GALNT17: variants seen among roughly 807,000 people sequenced by gnomAD.
The protein encoded by GALNT17 is polypeptide N-acetylgalactosaminyltransferase 17.
GALNT17 carries 29 observed loss-of-function variants against 63.7 expected under a neutral mutation model. The observed-to-expected ratio is 0.46, with a 90% confidence interval of 0.34 to 0.62. The LOEUF (loss-of-function observed/expected upper bound fraction) is 0.62, where lower values mean the gene tolerates loss of function less well. Ranked by LOEUF, GALNT17 falls within the 20% of genes least tolerant of loss-of-function variation. The pLI, the probability that GALNT17 is intolerant of heterozygous loss-of-function variation, is 0.01. For missense variants in GALNT17, 603 were observed against 799.6 expected (o/e 0.75, Z 2.97); for synonymous variants, 305 against 318.3 (o/e 0.96, Z 0.45).
chr7:71,457,988 C>A (rs1393533416), intron 5 of GALNT17, among the ~76,000 whole-genome samples: 1 of 152,106 alleles, frequency 6.6e-6, no homozygotes, highest in Non-Finnish European at 1.5e-5. Flanking sequence ...ACTGCCCACC[C>A]TTCCTTTCCT....
At chr7:71,320,423 AT>A (rs1208348491) in intron 1 of GALNT17, among the ~76,000 whole-genome samples, 8 of 80,720 alleles carry the variant, frequency 9.9e-5, no homozygotes, top group Non-Finnish European at 1.4e-4. Flanking sequence ...AAAAAAAAAA[AT>A]TTTTTTTTTA....
chr7:71,204,570 C>CT (rs200937071), intron 1 of GALNT17, among the ~76,000 whole-genome samples: 33,795 of 140,692 alleles, frequency 0.24, 4,334 homozygotes, highest in East Asian at 0.54. Flanking sequence ...TTTTCTTTTT[C>CT]TTTTTTTTTT....
At chr7:71,233,916 TC>T (rs1402644628) in intron 1 of GALNT17, among the ~76,000 whole-genome samples, 1 of 152,118 alleles carries the variant, frequency 6.6e-6, no homozygotes, top group East Asian at 1.9e-4. Context: ...AGCAGGCACG[TC>T]TCACATGGCC....
At chr7:71,343,569 T>C (rs1792041785) in intron 2 of GALNT17, among the ~76,000 whole-genome samples, 1 of 152,208 alleles carries the variant, frequency 6.6e-6, no homozygotes, top group South Asian at 2.1e-4. Flanking sequence ...TAAACTTGTA[T>C]GAATCCCAAG....
chr7:71,474,539 A>G (rs558046547), intron 5 of GALNT17, among the ~76,000 whole-genome samples: 2 of 152,366 alleles, frequency 1.3e-5, no homozygotes, highest in East Asian at 1.9e-4. Flanking sequence ...ATGCCTCAAT[A>G]TAAAATGAAA....
intron 6 of GALNT17, among the ~76,000 whole-genome samples, chr7:71,615,770 G>A (rs531069138): frequency 7.9e-5 from 12 of 152,036 alleles, no homozygotes; most frequent in Non-Finnish European, 1.6e-4. Flanking sequence ...GAGCCACCGC[G>A]CCCGGCCTCA....
intron 2 of GALNT17, among the ~76,000 whole-genome samples, chr7:71,380,477 A>T (rs1792824394): frequency 6.6e-6 from 1 of 151,690 alleles, no homozygotes; most frequent in African/African-American, 2.4e-5. Flanking sequence ...CCAACACCAC[A>T]CCCGGCTAAT....
rs141463966 is a variant in GALNT17 at position 71,517,033 on chromosome 7, C to T, written c.963-54252C>T. Among the ~76,000 whole-genome samples the T allele has an allele frequency of 4.2e-3, 643 of 152,234 alleles. 3 individuals are homozygous for T. In the Middle Eastern group the frequency reaches 0.054, roughly 13 times the overall value. On this transcript the variant is annotated intron_variant, in intron 5 of 10. Coordinates refer to ENST00000333538, the MANE Select transcript of GALNT17 (RefSeq NM_022479.3). ...CGCCATTGCTCAGAGCTTGAAGTCA[C>T]CCCAGGGGCTCCTTTACAGTAATGT...
chr7:71,553,372 A>G (rs1789112620), intron 5 of GALNT17, among the ~76,000 whole-genome samples: 3 of 151,968 alleles, frequency 2.0e-5, no homozygotes, highest in Admixed American at 2.0e-4. Context: ...TTTTTAGGCT[A>G]TAGAGTTGGT....
intron 1 of GALNT17, among the ~76,000 whole-genome samples, chr7:71,167,260 C>T (rs1026162286): frequency 2.0e-5 from 3 of 152,108 alleles, no homozygotes; most frequent in East Asian, 3.9e-4. Context: ...CCAGTTCCTC[C>T]GAATCCTTGT....
At chr7:71,665,624 C>T in intron 7 of GALNT17, 28 bp downstream of exon 7, 1 of 1,601,236 alleles carries the variant, frequency 6.2e-7, no homozygotes, top group Non-Finnish European at 8.5e-7. Context: ...TTCCCCACCA[C>T]CCCAGTACAG....
chr7:71,549,616 A>C (rs891992716), intron 5 of GALNT17, among the ~76,000 whole-genome samples: 3 of 152,166 alleles, frequency 2.0e-5, no homozygotes, highest in Non-Finnish European at 4.4e-5. Flanking sequence ...ATATTACAAT[A>C]TACATTAAGA....
At chr7:71,301,076 C>T (rs1244461925) in intron 1 of GALNT17, among the ~76,000 whole-genome samples, 1 of 151,794 alleles carries the variant, frequency 6.6e-6, no homozygotes, top group Non-Finnish European at 1.5e-5. Context: ...TCCCTTGAGC[C>T]CTGGAGTTCA....
chr7:71,517,962 C>T lies in GALNT17; in HGVS notation c.963-53323C>T, dbSNP rs531049528. Among the ~76,000 whole-genome samples the T allele has an allele frequency of 4.6e-5, 7 of 152,154 alleles. No individual in the cohort carries two copies. In the South Asian group the frequency reaches 8.3e-4, roughly 18 times the overall value. Reference sequence around the variant, plus strand: ...AGCTGTGGGGAACAGGTTTGGGTGACGAATTCTTATCTCAGAGGGAGCAGC... The same window carrying T: ...AGCTGTGGGGAACAGGTTTGGGTGATGAATTCTTATCTCAGAGGGAGCAGC... On this transcript the variant is annotated intron_variant, in intron 5 of 10. Coordinates refer to ENST00000333538, the MANE Select transcript of GALNT17 (RefSeq NM_022479.3).
chr7:71,223,732 A>C (rs1004723161), intron 1 of GALNT17, among the ~76,000 whole-genome samples: 2 of 152,018 alleles, frequency 1.3e-5, no homozygotes, highest in South Asian at 4.1e-4. Context: ...ATGCTCAAGT[A>C]GCCCCAGTGT....
intron 5 of GALNT17, among the ~76,000 whole-genome samples, chr7:71,541,572 GAAAAAA>G (rs1459538154): frequency 6.6e-6 from 1 of 151,558 alleles, no homozygotes; most frequent in Non-Finnish European, 1.5e-5. Flanking sequence ...AACAAGAAGA[GAAAAAA>G]AAGAAAAAGA....
At chr7:71,693,170 C>G (rs903361699) in intron 9 of GALNT17, among the ~76,000 whole-genome samples, 1 of 148,526 alleles carries the variant, frequency 6.7e-6, no homozygotes, top group East Asian at 2.0e-4. Flanking sequence ...TAAGTATATA[C>G]TATAATATAA....
At chr7:71,515,939 C>G (rs1050067648) in intron 5 of GALNT17, among the ~76,000 whole-genome samples, 1 of 152,106 alleles carries the variant, frequency 6.6e-6, no homozygotes, top group Non-Finnish European at 1.5e-5. Context: ...TAAGTAGTCA[C>G]TTTCTCGTGA....
chr7:71,621,208 C>T (rs1337533380), intron 6 of GALNT17, among the ~76,000 whole-genome samples: 2 of 151,886 alleles, frequency 1.3e-5, no homozygotes, highest in Admixed American at 6.6e-5. Flanking sequence ...TTCTTCTGAG[C>T]GCCTTTTTTT....
Sources: allele counts gnomAD v4.1 joint callset (sites outside exome capture counted in the v4.1 genomes callset), GRCh38; gene constraint gnomAD v4.1.1; transcripts MANE v1.5; gene names NCBI Gene and HGNC (gene_info 2026-07-23, HGNC 2026-07-21).